The following GAS7 variants were observed in gnomAD, a reference collection of about 807,000 sequenced individuals.
GAS7 encodes growth arrest specific 7, also known as growth arrest-specific protein 7.
A neutral mutation model predicts 71.1 loss-of-function variants in GAS7; 28 were observed. That is an observed-to-expected ratio of 0.39 (90% CI 0.29 to 0.54). GAS7 has a LOEUF of 0.54. Among genes scored for constraint, GAS7 ranks in the 20% least tolerant of loss-of-function variants. GAS7 has a pLI of 0.62. For synonymous variants in GAS7, 258 were observed against 245.8 expected (o/e 1.05, Z -0.46); for missense variants, 436 against 627.8 (o/e 0.69, Z 3.27).
chr17:10,019,255 CA>C (rs1309741338), intron 2 of GAS7, among the ~76,000 whole-genome samples: 1 of 152,006 alleles, frequency 6.6e-6, no homozygotes, highest in East Asian at 1.9e-4. Context: ...CGGCATTTCC[CA>C]AAAAACATCT....
At chr17:9,972,992 A>T (rs2070028680) in intron 3 of GAS7, among the ~76,000 whole-genome samples, 1 of 152,242 alleles carries the variant, frequency 6.6e-6, no homozygotes, top group African/African-American at 2.4e-5. Context: ...TGGACTAAAC[A>T]TTCAACTTAA....
intron 1 of GAS7, among the ~76,000 whole-genome samples, chr17:10,186,130 T>TC (rs986467117): frequency 6.0e-5 from 9 of 150,772 alleles, no homozygotes; most frequent in East Asian, 5.9e-4. Flanking sequence ...TTTTTGTATT[T>TC]TTTTTTTTAA....
chr17:10,188,819 A>G (rs1289093118), intron 1 of GAS7, among the ~76,000 whole-genome samples: 1 of 152,036 alleles, frequency 6.6e-6, no homozygotes, highest in Admixed American at 6.6e-5. Context: ...TTTTGTATTT[A>G]TAGAGAAAAA....
chr17:10,174,379 G>A (rs1323650293), intron 1 of GAS7, among the ~76,000 whole-genome samples: 2 of 152,308 alleles, frequency 1.3e-5, no homozygotes, highest in Non-Finnish European at 2.9e-5. Flanking sequence ...AGACCTGGAT[G>A]CAGAAAACCA....
At chr17:9,976,173 A>G (rs1358888335) in intron 3 of GAS7, among the ~76,000 whole-genome samples, 1 of 152,226 alleles carries the variant, frequency 6.6e-6, no homozygotes, top group African/African-American at 2.4e-5. Flanking sequence ...CCAAAGACAG[A>G]CTGATAAAAG....
chr17:10,195,598 A>G (rs2074534895), intron 1 of GAS7, among the ~76,000 whole-genome samples: 1 of 151,706 alleles, frequency 6.6e-6, no homozygotes, highest in Admixed American at 6.6e-5. Flanking sequence ...GGCCTTCTGA[A>G]CTCCATGCTC....
Position 10,034,314 on chromosome 17 carries a change from T to TC in GAS7, c.184-14418dup. On this transcript the variant is annotated intron_variant, in intron 1 of 13. Transcript: ENST00000432992. This position sits in a 1 kb window ranked among gnomAD's most constrained non-coding sequence, Gnocchi z 4.4. ...TATATATAGCCTAATACTTAATAAT[T>TC]CTTTTTTTTTTTTTTAGACAGTCTT... 1.5e-6 allele frequency: 1 copy of TC among 652,470 alleles called. No homozygotes were observed. The highest frequency in any genetic ancestry group is 1.9e-6 in the Non-Finnish European group (1 of 536,072). 40.4% of individuals were successfully genotyped at this position (652,470 alleles called of 1,614,324 possible).
chr17:10,160,498 C>T (rs1389000714), intron 1 of GAS7, among the ~76,000 whole-genome samples: 1 of 151,998 alleles, frequency 6.6e-6, no homozygotes, highest in Non-Finnish European at 1.5e-5. Context: ...AGAGACTTGC[C>T]CAGGTTACCT....
intron 1 of GAS7, among the ~76,000 whole-genome samples, chr17:10,124,709 G>A (rs535157897): frequency 3.9e-5 from 6 of 152,236 alleles, no homozygotes; most frequent in Non-Finnish European, 5.9e-5. Context: ...ACCTAAGGTC[G>A]GAGTTGGAGA....
At chr17:10,109,358 G>A (rs2073788732) in intron 1 of GAS7, among the ~76,000 whole-genome samples, 1 of 152,128 alleles carries the variant, frequency 6.6e-6, no homozygotes, top group Non-Finnish European at 1.5e-5. Flanking sequence ...ATAACCTCCA[G>A]TTCCATTCAT....
chr17:10,119,524 G>A (rs191312752), intron 1 of GAS7, among the ~76,000 whole-genome samples: 2 of 152,332 alleles, frequency 1.3e-5, no homozygotes, highest in Non-Finnish European at 2.9e-5. Context: ...GCTGGGGGAT[G>A]CTCCCAAGAG....
At chr17:10,168,415 T>C (rs2074310965) in intron 1 of GAS7, among the ~76,000 whole-genome samples, 1 of 152,136 alleles carries the variant, frequency 6.6e-6, no homozygotes, top group East Asian at 1.9e-4. Flanking sequence ...AATTCTGGGT[T>C]TTTCAACCTT....
chr17:10,188,161 T>C, intron 1 of GAS7, among the ~76,000 whole-genome samples: 1 of 151,844 alleles, frequency 6.6e-6, no homozygotes, highest in East Asian at 1.9e-4. Flanking sequence ...GGGAATTACT[T>C]GCACCCAGGA....
At chr17:10,099,167 T>C (rs1364511591) in intron 1 of GAS7, among the ~76,000 whole-genome samples, 2 of 152,108 alleles carry the variant, frequency 1.3e-5, no homozygotes, top group Non-Finnish European at 1.5e-5. Context: ...GTAATAAGCC[T>C]GTGAGTCATC....
chr17:10,032,111 GAAAAAAAAA>G (rs749716743), intron 1 of GAS7, among the ~76,000 whole-genome samples: 1 of 74,758 alleles, frequency 1.3e-5, no homozygotes, highest in Admixed American at 1.4e-4. Flanking sequence ...GGGAACCTCA[GAAAAAAAAA>G]AAAAAAAAAA....
intron 5 of GAS7, among the ~76,000 whole-genome samples, chr17:9,954,263 T>C (rs1281824698): frequency 1.3e-5 from 2 of 152,020 alleles, no homozygotes; most frequent in East Asian, 3.9e-4. Flanking sequence ...AGTCAGGGAG[T>C]AGACAAGACT....
chr17:9,958,079 C>T (rs1034656812), intron 5 of GAS7, among the ~76,000 whole-genome samples: 1 of 152,164 alleles, frequency 6.6e-6, no homozygotes, highest in East Asian at 1.9e-4. Flanking sequence ...CCTACACCAT[C>T]CCTAAGGCAG....
chr17:10,011,457 G>A (rs144641611), intron 2 of GAS7, among the ~76,000 whole-genome samples: 7 of 152,194 alleles, frequency 4.6e-5, no homozygotes, highest in African/African-American at 1.4e-4. Flanking sequence ...TCCAGGCTAC[G>A]GCTCCTCCTT....
rs560478127 is a variant in GAS7, at chr17:10,010,443, C to T, written c.304+9334G>A. On this transcript the variant is annotated intron_variant, in intron 2 of 13. Transcript: ENST00000432992. Reference sequence around the variant, plus strand: ...CTGGGTTTACAGGCATGAGCCACCGCGCCCAGCCTGATTCTATTTCTTAAA... The same window carrying T: ...CTGGGTTTACAGGCATGAGCCACCGTGCCCAGCCTGATTCTATTTCTTAAA... Among the ~76,000 whole-genome samples the T allele has an allele frequency of 1.4e-4, 22 of 152,272 alleles. No homozygotes were observed. In the South Asian group the frequency reaches 3.3e-3, roughly 23 times the overall value.
Sources: gnomAD v4.1 joint callset for allele counts (sites outside exome capture counted in the v4.1 genomes callset) on GRCh38, gnomAD v4.1.1 for gene constraint, Gnocchi (gnomAD v3.1) non-coding constraint, MANE v1.5 for transcripts, NCBI Gene and HGNC (gene_info 2026-07-23, HGNC 2026-07-21) for gene names.